The following SMAD9 variants were observed in gnomAD, a reference collection of about 807,000 sequenced individuals.
SMAD9 encodes MAD homolog 9.
SMAD9 carries 36 observed loss-of-function variants against 46.1 expected under a neutral mutation model. That is an observed-to-expected ratio of 0.78 (90% CI 0.60 to 1.03). The LOEUF is 1.03. SMAD9 is among the 50% of genes least tolerant of loss of function. SMAD9 has a pLI of 0.00. For synonymous variants in SMAD9, 245 were observed against 237.1 expected (o/e 1.03, Z -0.31); for missense variants, 572 against 599.8 (o/e 0.95, Z 0.48).
At chr13:36,861,461 C>T (rs1048025928) in intron 5 of SMAD9, among the ~76,000 whole-genome samples, 5 of 151,684 alleles carry the variant, frequency 3.3e-5, no homozygotes, top group East Asian at 4.0e-4. Context: ...ATTACAGGCA[C>T]CCGCCACCAC....
At chr13:36,883,921 C>T (rs2058424364) in intron 1 of SMAD9, among the ~76,000 whole-genome samples, 2 of 152,052 alleles carry the variant, frequency 1.3e-5, no homozygotes, top group South Asian at 4.2e-4. Context: ...TGGACTTCAC[C>T]CCCTCCTCAT....
At chr13:36,862,460 G>A (rs1338377467) in intron 5 of SMAD9, among the ~76,000 whole-genome samples, 1 of 142,194 alleles carries the variant, frequency 7.0e-6, no homozygotes, top group Admixed American at 7.4e-5. Context: ...CTAGCACCAT[G>A]ACAGTTTACA....
Position 36,879,486 on chromosome 13 carries a change from G to A in SMAD9, c.204C>T (p.Cys68=), listed in dbSNP as rs146583835. 7.4e-6 allele frequency: 12 copies of A among 1,613,842 alleles called. 1 individual carries two copies. The highest frequency in any genetic ancestry group is 5.3e-5 in the African/African-American group (4 of 74,950). The part of the protein sequence containing the change: ...ALSCPGQPSK[C]VTIPRSLDGR... ...CGTCCAGGGAGCGGGGAATCGTGAC[G>A]CATTTGCTGGGCTGCCCCGGGCAGC... Residue 68 remains cysteine (C), a synonymous_variant, in exon 2 of 7, where the codon TGC becomes TGT. Coordinates refer to ENST00000379826, the MANE Select transcript of SMAD9 (RefSeq NM_001127217.3).
At position 36,847,885 on chromosome 13, in the gene SMAD9, C is replaced by A. The variant is rs1012953348; in HGVS notation, c.*791G>T. The A allele has an allele frequency of 6.6e-6, 1 of 152,292 alleles. No individual in the cohort carries two copies. Among genetic ancestry groups the A allele is most frequent in the Non-Finnish European group, 1.5e-5 (1 of 68,082 alleles). The allele number at this position is 152,292 out of a possible 1,614,324, so 9.4% of individuals were successfully genotyped here. A position where few individuals can be genotyped will look rare whatever the true frequency, so the allele number is the denominator to read the frequency against. On this transcript the variant is annotated 3_prime_UTR_variant, in exon 7 of 7. Transcript: ENST00000379826. ...ACAACCAGCACGACAGGAACCTGGT[C>A]TCCTCTGTGGAAAGCAGGAGTCTCC...
intron 5 of SMAD9, among the ~76,000 whole-genome samples, chr13:36,855,019 C>T (rs2058109682): frequency 6.6e-6 from 1 of 152,034 alleles, no homozygotes; most frequent in African/African-American, 2.4e-5. Flanking sequence ...GGTGCTCACA[C>T]CTGCAATCCC....
intron 1 of SMAD9, among the ~76,000 whole-genome samples, chr13:36,880,261 TTC>T (rs765107697): frequency 6.6e-6 from 1 of 152,134 alleles, no homozygotes; most frequent in African/African-American, 2.4e-5. Flanking sequence ...GCATCTCTCT[TTC>T]TCTCTTTCAA....
chr13:36,853,029 G>A (rs567860842), intron 6 of SMAD9, among the ~76,000 whole-genome samples: 63 of 152,336 alleles, frequency 4.1e-4, no homozygotes, highest in Admixed American at 3.9e-3. Flanking sequence ...GCTCACGCCT[G>A]TAATCCCAGC....
chr13:36,872,936 G>C, intron 2 of SMAD9, 21 bp from the exon 3 acceptor site: 1 of 1,613,878 alleles, frequency 6.2e-7, no homozygotes. Flanking sequence ...AAAGGAACAA[G>C]GCAGTTAGAA....
chr13:36,849,731 A>C (rs2058059887), intron 6 of SMAD9: 1 of 152,214 alleles, frequency 6.6e-6, no homozygotes, highest in Non-Finnish European at 1.5e-5. Context: ...AAGTTTCCAC[A>C]GGACCTGCAT....
chr13:36,917,366 G>A lies in SMAD9; in HGVS notation c.-187+2750C>T, dbSNP rs1410037040. On this transcript the variant is annotated intron_variant, in intron 1 of 6. Coordinates refer to ENST00000379826, the MANE Select transcript of SMAD9 (RefSeq NM_001127217.3). ...ATGAAACATTGTGAAAATGCTCACA[G>A]TATTGTTAAGTACTTATGCATTTAC... Among the ~76,000 whole-genome samples the A allele has an allele frequency of 2.7e-5, 4 of 150,820 alleles. No homozygotes were observed. In the South Asian group the frequency reaches 6.3e-4, roughly 24 times the overall value.
intron 5 of SMAD9, among the ~76,000 whole-genome samples, chr13:36,853,986 C>T (rs562211609): frequency 1.3e-5 from 2 of 152,164 alleles, no homozygotes; most frequent in South Asian, 4.2e-4. Flanking sequence ...CAGTGAAACC[C>T]CTTCTCTACT....
intron 2 of SMAD9, among the ~76,000 whole-genome samples, chr13:36,874,510 A>G (rs1447390147): frequency 1.3e-5 from 2 of 152,188 alleles, no homozygotes. Flanking sequence ...ACAAACTATG[A>G]ACTAAAATAT....
At position 36,865,543 on chromosome 13, in the gene SMAD9, CTA is replaced by C. The variant is rs1375423378; in HGVS notation, c.995_996del (p.Ile332ArgfsTer20). The C allele has an allele frequency of 5.0e-6, 8 of 1,612,142 alleles. No homozygotes were observed. In the Admixed American group the frequency reaches 1.3e-4, roughly 27 times the overall value. ...ATAACATCTTTGCTCTTACCCTTTC[CTA>C]TATGTCTCCTGGTATTTTCTATCGT... ...NSTIENTRRH[I>X]GKGVHLYYVG... On this transcript the variant is annotated frameshift_variant, in exon 5 of 7. Coordinates refer to ENST00000379826, the MANE Select transcript of SMAD9 (RefSeq NM_001127217.3). LOFTEE classifies it high-confidence loss of function.
At chr13:36,920,582 G>A (rs544095117), upstream of SMAD9, 1 of 152,330 alleles carries the variant, frequency 6.6e-6, no homozygotes, top group South Asian at 2.1e-4. Context: ...CGGGGGTGGG[G>A]TGGGAGCCCT....
At chr13:36,876,899 T>TA (rs1419788002) in intron 2 of SMAD9, among the ~76,000 whole-genome samples, 1 of 152,124 alleles carries the variant, frequency 6.6e-6, no homozygotes, top group African/African-American at 2.4e-5. Context: ...CTTTTTCTAT[T>TA]AAAAAAACAC....
intron 6 of SMAD9, chr13:36,851,791 G>A: frequency 2.0e-6 from 2 of 976,134 alleles, no homozygotes; most frequent in Non-Finnish European, 2.4e-6. Context: ...TGCAGTATTA[G>A]GAACAGTTTG....
chr13:36,911,295 C>T (rs976904810), intron 1 of SMAD9, among the ~76,000 whole-genome samples: 1 of 152,156 alleles, frequency 6.6e-6, no homozygotes, highest in Non-Finnish European at 1.5e-5. Context: ...CAGGCATGAA[C>T]CATTGCACCT....
In SMAD9 at chr13:36,863,524, T is replaced by C. The variant is rs553275253; in HGVS notation, c.1003+2013A>G. On this transcript the variant is annotated intron_variant, in intron 5 of 6. Transcript: ENST00000379826. ...GGAGCTACTGATATAATTGGGATAT[T>C]TGACTCCTCCAAATCTCATATCGAA... is the stretch of plus-strand genomic sequence containing the variant. 7.2e-5 allele frequency among the ~76,000 whole-genome samples: 11 copies of C among 152,264 alleles called. No individual in the cohort carries two copies. In the East Asian group the frequency reaches 1.2e-3, roughly 16 times the overall value.
chr13:36,904,390 G>A (rs565544634), intron 1 of SMAD9, among the ~76,000 whole-genome samples: 2 of 152,300 alleles, frequency 1.3e-5, no homozygotes, highest in African/African-American at 4.8e-5. Flanking sequence ...TTTGCCAGGT[G>A]CGAATCGCTC....
Sources: allele counts gnomAD v4.1 joint callset (sites outside exome capture counted in the v4.1 genomes callset), GRCh38; gene constraint gnomAD v4.1.1; transcripts MANE v1.5; gene names NCBI Gene and HGNC (gene_info 2026-07-23, HGNC 2026-07-21).